ANKRD12: variants seen among roughly 807,000 people sequenced by gnomAD.
ANKRD12 encodes ankyrin repeat domain-containing protein 12.
A neutral mutation model predicts 183.4 loss-of-function variants in ANKRD12; 85 were observed. The ratio of observed to expected loss-of-function variants is 0.46; its 90% CI spans 0.39 to 0.56. The LOEUF is 0.56. Among genes scored for constraint, ANKRD12 ranks in the 20% least tolerant of loss-of-function variants. The pLI is 0.00. For missense variants in ANKRD12, 2,405 were observed against 2,357.1 expected, an observed-to-expected ratio of 1.02 and a Z score of -0.42; for synonymous variants, 914 against 800.2, an observed-to-expected ratio of 1.14 and a Z score of -2.40.
intron 1 of ANKRD12, among the ~76,000 whole-genome samples, chr18:9,158,646 C>T (rs1259281259): frequency 6.6e-6 from 1 of 152,164 alleles, no homozygotes; most frequent in African/African-American, 2.4e-5. Flanking sequence ...GATCACCTGG[C>T]TGATAATAGT....
At position 9,258,692 on chromosome 18, in the gene ANKRD12, A is replaced by G. The variant is rs762746236; in HGVS notation, c.5425A>G (p.Thr1809Ala). 5.9e-5 allele frequency: 96 copies of G among 1,613,830 alleles called. No homozygotes were observed. Among genetic ancestry groups the G allele is most frequent in the Non-Finnish European group, 7.3e-5 (86 of 1,179,920 alleles). Residue 1809 changes from threonine (T) to alanine (A), a missense_variant, in exon 9 of 13, where the codon ACT becomes GCT. Physicochemically the swap from Thr to Ala is moderately conservative, Grantham distance 58 (BLOSUM62 0). Coordinates refer to ENST00000262126, the MANE Select transcript of ANKRD12 (RefSeq NM_015208.5). Reference sequence around the variant, plus strand: ...CTCTTTACTACAAGCAAAAGAGAAAACTCAGCAATCTCTGGCAGCCATTGT... The same window carrying G: ...CTCTTTACTACAAGCAAAAGAGAAAGCTCAGCAATCTCTGGCAGCCATTGT... ...SPSLLQAKEK[T>A]QQSLAAIVDS...
intron 3 of ANKRD12, among the ~76,000 whole-genome samples, chr18:9,200,071 A>G (rs896318563): frequency 1.3e-5 from 2 of 152,234 alleles, no homozygotes; most frequent in African/African-American, 2.4e-5. Context: ...AATGCTGTCT[A>G]CTGAATGAGA....
chr18:9,139,213 AC>A (rs553530895), intron 1 of ANKRD12, among the ~76,000 whole-genome samples: 176 of 152,062 alleles, frequency 1.2e-3, no homozygotes, highest in Non-Finnish European at 2.1e-3. Flanking sequence ...GTGCAGACTT[AC>A]ACTGGTTTGT....
intron 8 of ANKRD12, among the ~76,000 whole-genome samples, chr18:9,246,319 C>T (rs916003186): frequency 2.0e-5 from 3 of 152,118 alleles, no homozygotes; most frequent in African/African-American, 7.2e-5. Flanking sequence ...TCAATTATGA[C>T]TAGTACTTTT....
At chr18:9,211,011 T>G (rs2035774238) in intron 5 of ANKRD12, among the ~76,000 whole-genome samples, 1 of 152,048 alleles carries the variant, frequency 6.6e-6, no homozygotes, top group Non-Finnish European at 1.5e-5. Flanking sequence ...TAACTTTTTT[T>G]TTTTAAATAT....
chr18:9,144,638 G>T (rs1163814426), intron 1 of ANKRD12, among the ~76,000 whole-genome samples: 1 of 152,110 alleles, frequency 6.6e-6, no homozygotes, highest in African/African-American at 2.4e-5. Context: ...GTTGATTATA[G>T]GTTCTCCACA....
At chr18:9,210,808 C>T (rs1001414800) in intron 5 of ANKRD12, among the ~76,000 whole-genome samples, 6 of 147,892 alleles carry the variant, frequency 4.1e-5, no homozygotes, top group East Asian at 2.0e-4. Flanking sequence ...GAGCTCTAAT[C>T]GTGTCAGGTT....
rs1167888645 is a variant in ANKRD12, at chr18:9,256,170, A to C, written c.2903A>C (p.Glu968Ala). ...AAAAAGGAAAAATCTAGAGATAAAGAAAGTATAAATATAACTAACTCCAAA... is the reference window on the plus strand; with the variant it reads ...AAAAAGGAAAAATCTAGAGATAAAGCAAGTATAAATATAACTAACTCCAAA... ...LDKKEKSRDKESINITNSKHI... is the reference protein window; with the variant it reads ...LDKKEKSRDKASINITNSKHI... The change falls in exon 9 of 13, where the codon GAA (glutamate) becomes GCA (alanine). Residue 968 changes from glutamate to alanine, a missense_variant. By Grantham distance (107) the Glu-to-Ala change is moderately radical. Transcript: ENST00000262126. 1 of 1,561,026 alleles carries C rather than the reference A, an allele frequency of 6.4e-7. No homozygotes were observed. Among genetic ancestry groups the C allele is most frequent in the South Asian group, 1.2e-5 (1 of 81,138 alleles).
intron 1 of ANKRD12, among the ~76,000 whole-genome samples, chr18:9,159,498 C>G (rs1292664916): frequency 1.3e-5 from 2 of 152,010 alleles, no homozygotes; most frequent in Non-Finnish European, 2.9e-5. Flanking sequence ...GTGGCGCAAT[C>G]TCGGCTCACT....
intron 1 of ANKRD12, among the ~76,000 whole-genome samples, chr18:9,166,853 C>G (rs2032125356): frequency 6.6e-6 from 1 of 152,140 alleles, no homozygotes; most frequent in Non-Finnish European, 1.5e-5. Flanking sequence ...GGTTTTAGGT[C>G]TAACATGTAA....
intron 1 of ANKRD12, among the ~76,000 whole-genome samples, chr18:9,170,355 A>C (rs2032574905): frequency 6.6e-6 from 1 of 152,216 alleles, no homozygotes; most frequent in African/African-American, 2.4e-5. Context: ...TAAACCAGTC[A>C]GATGTAGATT....
intron 8 of ANKRD12, among the ~76,000 whole-genome samples, chr18:9,229,130 G>T (rs1372897436): frequency 1.3e-5 from 2 of 152,130 alleles, no homozygotes; most frequent in Admixed American, 6.5e-5. Flanking sequence ...TAAATATGCA[G>T]ATTTATTTCT....
intron 1 of ANKRD12, among the ~76,000 whole-genome samples, chr18:9,157,241 T>TA (rs139869563): frequency 0.013 from 2,030 of 152,268 alleles, 49 homozygotes; most frequent in African/African-American, 0.047. Flanking sequence ...TCAGCATACT[T>TA]ACAGTAGCCT....
At chr18:9,157,746 T>C (rs989386952) in intron 1 of ANKRD12, among the ~76,000 whole-genome samples, 1 of 151,542 alleles carries the variant, frequency 6.6e-6, no homozygotes, top group Non-Finnish European at 1.5e-5. Context: ...TTAATCACAG[T>C]TCTAAAAAAT....
chr18:9,141,258 A>G (rs183889596), intron 1 of ANKRD12, among the ~76,000 whole-genome samples: 146 of 152,276 alleles, frequency 9.6e-4, no homozygotes, highest in Middle Eastern at 6.8e-3. Context: ...GTCAGAGCAC[A>G]TTATTCTTAC....
chr18:9,255,164 T>G lies in ANKRD12; in HGVS notation c.1897T>G (p.Phe633Val). The change falls in exon 9 of 13, where the codon TTT becomes GTT. Residue 633 changes from phenylalanine to valine, a missense_variant. Around this residue, in one of 7 missense-constraint regions of ANKRD12, gnomAD observed 1,983 missense variants for 1,725.9 expected, o/e 1.15. Coordinates refer to ENST00000262126, the MANE Select transcript of ANKRD12 (RefSeq NM_015208.5). ...KIKDEDHSPTFENSDCTLKKM... is the reference protein window; with the variant it reads ...KIKDEDHSPTVENSDCTLKKM... ...AAAGGATGAAGATCATAGTCCAACATTTGAAAATTCAGATTGCACACTGAA... is the reference window on the plus strand; with the variant it reads ...AAAGGATGAAGATCATAGTCCAACAGTTGAAAATTCAGATTGCACACTGAA... 6.3e-7 allele frequency: 1 copy of G among 1,584,588 alleles called. No homozygotes were observed. Among genetic ancestry groups the G allele is most frequent in the Non-Finnish European group, 8.5e-7 (1 of 1,171,280 alleles).
rs776755152 is a variant in ANKRD12, at chr18:9,216,750, A to G, written c.653-8A>G. 8 of 1,610,684 alleles carry G rather than the reference A, an allele frequency of 5.0e-6. No individual in the cohort carries two copies. The highest frequency in any genetic ancestry group is 1.1e-5 in the South Asian group (1 of 90,378). On this transcript the variant is annotated splice_region_variant and splice_polypyrimidine_tract_variant and intron_variant, in intron 6 of 12. Coordinates refer to ENST00000262126, the MANE Select transcript of ANKRD12 (RefSeq NM_015208.5). The stretch of plus-strand genomic sequence containing the variant: ...GTGAATCATGTTAAATTAATAATCT[A>G]ACTTTAGGTTGGACACCACTGCATG...
chr18:9,185,049 G>C (rs2033953576), intron 2 of ANKRD12, among the ~76,000 whole-genome samples: 1 of 152,182 alleles, frequency 6.6e-6, no homozygotes, highest in Admixed American at 6.5e-5. Flanking sequence ...GGGTTCTCAA[G>C]GATGAATCCG....
intron 1 of ANKRD12, among the ~76,000 whole-genome samples, chr18:9,141,631 T>C (rs1362363835): frequency 2.6e-5 from 4 of 152,210 alleles, no homozygotes; most frequent in Non-Finnish European, 5.9e-5. Context: ...AAGTCATTTC[T>C]TTTTCTTTGG....
Sources: allele counts gnomAD v4.1 joint callset (sites outside exome capture counted in the v4.1 genomes callset), GRCh38; gene constraint gnomAD v4.1.1; regional missense constraint gnomAD v4.1.1; transcripts MANE v1.5; gene names NCBI Gene and HGNC (gene_info 2026-07-23, HGNC 2026-07-21).